The following NTNG1 variants were observed in gnomAD, a reference collection of about 807,000 sequenced individuals.
NTNG1 encodes the protein netrin G1, also known as netrin-G1.
NTNG1 carries 16 observed loss-of-function variants against 54.0 expected under a neutral mutation model. The ratio of observed to expected loss-of-function variants is 0.30; its 90% CI spans 0.20 to 0.45. The LOEUF is 0.45. NTNG1 is among the 20% of genes least tolerant of loss of function. The probability of loss-of-function intolerance (pLI) is 1.00; values close to 1 mark genes in which losing one functional copy is unlikely to be tolerated. For synonymous variants in NTNG1, 255 were observed against 263.1 expected (o/e 0.97, Z 0.30); for missense variants, 530 against 678.7 (o/e 0.78, Z 2.43).
chr1:107,376,365 G>A (rs900913283), intron 3 of NTNG1, among the ~76,000 whole-genome samples: 2 of 149,994 alleles, frequency 1.3e-5, no homozygotes, highest in African/African-American at 4.9e-5. Flanking sequence ...CCGAGGTCGC[G>A]CCACTGCACT....
chr1:107,304,082 TACA>T (rs1332590633), intron 2 of NTNG1, among the ~76,000 whole-genome samples: 4 of 152,040 alleles, frequency 2.6e-5, no homozygotes, highest in Non-Finnish European at 4.4e-5. Flanking sequence ...AACAGCCTAT[TACA>T]ACAAGTATTT....
intron 2 of NTNG1, among the ~76,000 whole-genome samples, chr1:107,310,053 T>TA (rs1666915374): frequency 6.6e-6 from 1 of 152,118 alleles, no homozygotes; most frequent in African/African-American, 2.4e-5. Flanking sequence ...AGAAAGCCCC[T>TA]TTTAAAATTC....
At chr1:107,198,162 C>T (rs994268111) in intron 2 of NTNG1, among the ~76,000 whole-genome samples, 1 of 151,838 alleles carries the variant, frequency 6.6e-6, no homozygotes, top group Non-Finnish European at 1.5e-5. Context: ...GTGACTTTAA[C>T]GGTGTTGGAA....
At chr1:107,145,664 T>G (rs1171117439) in intron 1 of NTNG1, among the ~76,000 whole-genome samples, 1 of 152,102 alleles carries the variant, frequency 6.6e-6, no homozygotes, top group Non-Finnish European at 1.5e-5. Context: ...AATGGAAAAC[T>G]ATTAATCACA....
At position 107,148,389 on chromosome 1, in the gene NTNG1, A is replaced by T. The variant is rs1214252246; in HGVS notation, c.-205A>T. ...AGGCTTCCACCAAAGTCCTCAATATACCTGAATACGCACAATATCTTAACT... is the reference window on the plus strand; with the variant it reads ...AGGCTTCCACCAAAGTCCTCAATATTCCTGAATACGCACAATATCTTAACT... On this transcript the variant is annotated 5_prime_UTR_variant, in exon 2 of 8. Transcript: ENST00000370068. 3.6e-6 allele frequency: 2 copies of T among 549,360 alleles called. No homozygotes were observed. The highest frequency in any genetic ancestry group is 6.5e-6 in the Non-Finnish European group (2 of 309,308). The allele number at this position is 549,360 out of a possible 1,614,324, so 34.0% of individuals were successfully genotyped here.
chr1:107,363,939 G>C (rs906894416), intron 3 of NTNG1, among the ~76,000 whole-genome samples: 2 of 152,076 alleles, frequency 1.3e-5, no homozygotes, highest in African/African-American at 4.8e-5. Flanking sequence ...GGTAACATTT[G>C]GGGGAAAAAG....
intron 5 of NTNG1, among the ~76,000 whole-genome samples, chr1:107,430,489 A>G (rs893931608): frequency 3.9e-5 from 6 of 152,170 alleles, no homozygotes; most frequent in African/African-American, 9.7e-5. Flanking sequence ...TACACCTGCA[A>G]ATGCTTCTGT....
chr1:107,269,206 A>G (rs2101682774), intron 2 of NTNG1, among the ~76,000 whole-genome samples: 1 of 152,234 alleles, frequency 6.6e-6, no homozygotes, highest in African/African-American at 2.4e-5. Flanking sequence ...TTTGGCTTCT[A>G]CTACATCTTC....
chr1:107,210,002 A>G (rs1557812021), intron 2 of NTNG1, among the ~76,000 whole-genome samples: 1 of 152,120 alleles, frequency 6.6e-6, no homozygotes, highest in Non-Finnish European at 1.5e-5. Flanking sequence ...ATGTTCTCTA[A>G]AGGAGGTGAT....
intron 2 of NTNG1, among the ~76,000 whole-genome samples, chr1:107,287,108 A>G (rs1665248722): frequency 6.6e-6 from 1 of 152,166 alleles, no homozygotes; most frequent in South Asian, 2.1e-4. Flanking sequence ...ATATAAAGGA[A>G]TAATAGATGT....
At chr1:107,394,002 G>T (rs1449784613) in intron 3 of NTNG1, among the ~76,000 whole-genome samples, 2 of 151,804 alleles carry the variant, frequency 1.3e-5, no homozygotes, top group African/African-American at 4.8e-5. Flanking sequence ...TCCTGGAAGA[G>T]GCCATGTTTC....
At chr1:107,289,034 C>T (rs1216626832) in intron 2 of NTNG1, among the ~76,000 whole-genome samples, 1 of 152,128 alleles carries the variant, frequency 6.6e-6, no homozygotes. Flanking sequence ...TCAGAATCTA[C>T]ATATTCCTCC....
At chr1:107,237,881 T>A (rs1661518182) in intron 2 of NTNG1, among the ~76,000 whole-genome samples, 1 of 152,164 alleles carries the variant, frequency 6.6e-6, no homozygotes, top group South Asian at 2.1e-4. Flanking sequence ...GGGACCCTCA[T>A]GGAGAACCTC....
chr1:107,295,348 C>T (rs929889612), intron 2 of NTNG1, among the ~76,000 whole-genome samples: 3 of 152,180 alleles, frequency 2.0e-5, no homozygotes, highest in Non-Finnish European at 4.4e-5. Context: ...AACAAATCCT[C>T]TTGCTTCTAT....
At chr1:107,346,429 G>A (rs1321789410) in intron 3 of NTNG1, among the ~76,000 whole-genome samples, 1 of 152,182 alleles carries the variant, frequency 6.6e-6, no homozygotes, top group African/African-American at 2.4e-5. Flanking sequence ...TGGATTTCAG[G>A]TAGTGGCATG....
chr1:107,449,526 A>G (rs1400298139), intron 7 of NTNG1, among the ~76,000 whole-genome samples: 2 of 152,150 alleles, frequency 1.3e-5, no homozygotes, highest in East Asian at 3.9e-4. Context: ...ACTCCTAGTT[A>G]GACTTCAAGG....
chr1:107,378,286 G>A (rs1671424190), intron 3 of NTNG1, among the ~76,000 whole-genome samples: 1 of 152,176 alleles, frequency 6.6e-6, no homozygotes, highest in African/African-American at 2.4e-5. Flanking sequence ...TGACCCTTGA[G>A]GATGTTTCTG....
At chr1:107,418,213 C>T (rs969640929) in intron 5 of NTNG1, among the ~76,000 whole-genome samples, 2 of 152,024 alleles carry the variant, frequency 1.3e-5, no homozygotes, top group Non-Finnish European at 2.9e-5. Flanking sequence ...AGAATGGAAT[C>T]CTCAGGTGAG....
intron 1 of NTNG1, among the ~76,000 whole-genome samples, chr1:107,142,307 CTT>C (rs11408012): frequency 6.8e-6 from 1 of 146,210 alleles, no homozygotes; most frequent in Admixed American, 6.8e-5. Context: ...CACCCGGGGA[CTT>C]TTTTTTTTTT....
Sources: allele counts gnomAD v4.1 joint callset (sites outside exome capture counted in the v4.1 genomes callset), GRCh38; gene constraint gnomAD v4.1.1; transcripts MANE v1.5; gene names NCBI Gene and HGNC (gene_info 2026-07-23, HGNC 2026-07-21).